Variants in CACNA1B observed in about 807,000 individuals in gnomAD.
CACNA1B encodes voltage-dependent N-type calcium channel subunit alpha-1B.
In CACNA1B, 70 loss-of-function variants were observed where a neutral mutation model predicts 247.2. The ratio of observed to expected loss-of-function variants is 0.28; its 90% CI spans 0.23 to 0.35. The LOEUF is 0.35. Among genes scored for constraint, CACNA1B ranks in the 10% least tolerant of loss-of-function variants. CACNA1B has a pLI of 1.00. For synonymous variants in CACNA1B, 1,231 were observed against 1,294.4 expected, an observed-to-expected ratio of 0.95 and a Z score of 1.05; for missense variants, 2,367 against 3,197.4, an observed-to-expected ratio of 0.74 and a Z score of 6.26.
chr9:138,111,230 C>T (rs1961618624), intron 39 of CACNA1B, among the ~76,000 whole-genome samples: 2 of 152,214 alleles, frequency 1.3e-5, no homozygotes, highest in African/African-American at 2.4e-5. Context: ...TTCAAAATTG[C>T]CCCAAACTGT....
intron 36 of CACNA1B, among the ~76,000 whole-genome samples, chr9:138,091,756 T>A (rs183358727): frequency 2.6e-5 from 4 of 152,220 alleles, no homozygotes; most frequent in Non-Finnish European, 4.4e-5. Context: ...GGATTGAATT[T>A]AAAAAAAGGA....
chr9:138,100,905 G>A lies in CACNA1B; in HGVS notation c.5223-1806G>A, dbSNP rs766516693. Among the ~76,000 whole-genome samples, 20 of 152,054 alleles carry A rather than the reference G, an allele frequency of 1.3e-4. No homozygotes were observed. The highest frequency in any genetic ancestry group is 2.1e-4 in the South Asian group (1 of 4,810). On this transcript the variant is annotated intron_variant, in intron 37 of 46. Transcript: ENST00000371372. This position sits in a 1 kb window ranked among gnomAD's most constrained non-coding sequence, Gnocchi z 4.6. ...GCGGCTCCTGCACACATCGGGCTCC[G>A]GAAATTTCGCTGGGGTTGCCACACC...
intron 31 of CACNA1B, 124 bp from the exon 32 acceptor site, chr9:138,069,634 G>A (rs571226385): frequency 3.2e-5 from 23 of 710,022 alleles, no homozygotes; most frequent in South Asian, 4.7e-5. Flanking sequence ...GCTGACTCAC[G>A]CCATCCAACC....
intron 31 of CACNA1B, among the ~76,000 whole-genome samples, chr9:138,066,492 CAG>C (rs1014990377): frequency 1.3e-5 from 2 of 151,798 alleles, no homozygotes; most frequent in Admixed American, 6.6e-5. Flanking sequence ...AGGAGAGAGA[CAG>C]AGGGGGAAGG....
intron 15 of CACNA1B, among the ~76,000 whole-genome samples, chr9:138,001,859 G>A (rs1379832832): frequency 6.6e-6 from 1 of 152,182 alleles, no homozygotes; most frequent in African/African-American, 2.4e-5. Flanking sequence ...CTAAAATTGT[G>A]CAAGACTTTT....
Position 137,880,767 on chromosome 9 carries a change from A to G in CACNA1B, c.390+1608A>G, listed in dbSNP as rs566818494. Among the ~76,000 whole-genome samples the G allele has an allele frequency of 1.6e-4, 24 of 152,162 alleles. 2 individuals are homozygous for G. In the East Asian group the frequency reaches 4.5e-3, roughly 28 times the overall value. Reference sequence around the variant, plus strand: ...GGCCCAGCCATTGATGTCCCCTGGGATGGAGGGGAGGCTGTGCTGCTGCCC... The same window carrying G: ...GGCCCAGCCATTGATGTCCCCTGGGGTGGAGGGGAGGCTGTGCTGCTGCCC... On this transcript the variant is annotated intron_variant, in intron 2 of 46. Transcript: ENST00000371372. The surrounding 1 kb of genome is among the most constrained non-coding windows in gnomAD (Gnocchi z 4.8).
chr9:137,884,807 C>T (rs1292252228), intron 3 of CACNA1B, among the ~76,000 whole-genome samples: 2 of 151,936 alleles, frequency 1.3e-5, no homozygotes, highest in Non-Finnish European at 2.9e-5. Flanking sequence ...TTGCACCAAG[C>T]CATGGGCAGG....
intron 15 of CACNA1B, among the ~76,000 whole-genome samples, chr9:138,002,254 A>G (rs778345379): frequency 1.7e-4 from 26 of 152,350 alleles, no homozygotes; most frequent in South Asian, 1.0e-3. Context: ...GTCATTGGAA[A>G]TCAATGGAGG....
chr9:137,990,777 A>T lies in CACNA1B; in HGVS notation c.1974+3923A>T, dbSNP rs1203360967. 6.6e-6 allele frequency among the ~76,000 whole-genome samples: 1 copy of T among 152,146 alleles called. No homozygotes were observed. The highest frequency in any genetic ancestry group is 2.4e-5 in the African/African-American group (1 of 41,422). On this transcript the variant is annotated intron_variant, in intron 15 of 46. Transcript: ENST00000371372. The surrounding 1 kb of genome is among the most constrained non-coding windows in gnomAD (Gnocchi z 4.5). ...ACCTGAAGATGGATCACATCACAGG[A>T]CTCTTGACAGACACTCCCCAGTACC... is the stretch of plus-strand genomic sequence containing the variant.
At chr9:138,075,740 C>T (rs530702570) in intron 34 of CACNA1B, 79 bp from the exon 35 acceptor site, 35 of 894,974 alleles carry the variant, frequency 3.9e-5, no homozygotes, top group Middle Eastern at 3.0e-4. Context: ...ACGGCTCGCA[C>T]GCCCTCTCTG....
rs1012565280 is a variant in CACNA1B, at chr9:138,059,245, C to G, written c.4584+56C>G. The G allele has an allele frequency of 5.0e-6, 5 of 1,006,150 alleles. No homozygotes were observed. Among genetic ancestry groups the G allele is most frequent in the African/African-American group, 3.2e-5 (2 of 63,164 alleles). The allele number at this position is 1,006,150 out of a possible 1,614,324, so 62.3% of individuals were successfully genotyped here. A position where few individuals can be genotyped will look rare whatever the true frequency, so the allele number is the denominator to read the frequency against. On this transcript the variant is annotated intron_variant, in intron 30 of 46. Transcript: ENST00000371372. This position sits in a 1 kb window ranked among gnomAD's most constrained non-coding sequence, Gnocchi z 4.2. ...GACAACCTATATTCTGGTTCCCCAT[C>G]TGTAGGGCGACCTTTGGGGGCTCAC...
In CACNA1B at chr9:137,986,368, A is replaced by G; in HGVS notation, c.1770-45A>G. The stretch of plus-strand genomic sequence containing the variant: ...TGGCTGCAGAGAGCCATGAATGTGA[A>G]GTCAGCGTCTGGAGCTGGCTCAGAC... On this transcript the variant is annotated intron_variant, in intron 13 of 46. Transcript: ENST00000371372. The surrounding 1 kb of genome is among the most constrained non-coding windows in gnomAD (Gnocchi z 6.0). The G allele has an allele frequency of 6.2e-7, 1 of 1,608,144 alleles. No individual in the cohort carries two copies. Among genetic ancestry groups the G allele is most frequent in the Non-Finnish European group, 8.5e-7 (1 of 1,177,196 alleles).
intron 15 of CACNA1B, among the ~76,000 whole-genome samples, chr9:137,997,886 T>C (rs1317442931): frequency 6.6e-6 from 1 of 152,228 alleles, no homozygotes; most frequent in Non-Finnish European, 1.5e-5. Flanking sequence ...ATCACCTGCA[T>C]GTTCACCATC....
chr9:138,120,707 G>GCAGGAGCGGGGCCGGTCC lies in CACNA1B; in HGVS notation c.6325_6342dup (p.Gly2109_Arg2114dup). On this transcript the variant is annotated inframe_insertion, in exon 46 of 47. Transcript: ENST00000371372. ...GCTGCCGGCGGGAACGAGAGCGCCGGCAGGAGCGGGGCCGGTCCCAGGAGC... is the reference window on the plus strand; with the variant it reads ...GCTGCCGGCGGGAACGAGAGCGCCGGCAGGAGCGGGGCCGGTCCCAGGAGCGGGGCCGGTCCCAGGAGC... 6.6e-7 allele frequency: 1 copy of GCAGGAGCGGGGCCGGTCC among 1,521,306 alleles called. No individual in the cohort carries two copies. The highest frequency in any genetic ancestry group is 8.8e-7 in the Non-Finnish European group (1 of 1,138,858). The allele number at this position is 1,521,306 out of a possible 1,614,324, so 94.2% of individuals were successfully genotyped here.
chr9:137,893,969 G>C (rs1330249847), intron 3 of CACNA1B, among the ~76,000 whole-genome samples: 5 of 152,152 alleles, frequency 3.3e-5, no homozygotes, highest in African/African-American at 1.2e-4. Context: ...ACTCATCTGT[G>C]CATTTGTATA....
chr9:137,954,901 A>AAT lies in CACNA1B; in HGVS notation c.1071-797_1071-796insAT, dbSNP rs1372521728. ...GTGTGAGAGAGAGAGAGAGAGAGAGAGGGGGAGAGAGAGAGAGAGAGAATG... is the reference window on the plus strand; with the variant it reads ...GTGTGAGAGAGAGAGAGAGAGAGAGAATGGGGGAGAGAGAGAGAGAGAGAATG... On this transcript the variant is annotated intron_variant, in intron 7 of 46. Coordinates refer to ENST00000371372, the MANE Select transcript of CACNA1B (RefSeq NM_000718.4). This position sits in a 1 kb window ranked among gnomAD's most constrained non-coding sequence, Gnocchi z 4.1. Among the ~76,000 whole-genome samples, 1 of 118,622 alleles carries AAT rather than the reference A, an allele frequency of 8.4e-6. No homozygotes were observed. Among genetic ancestry groups the AAT allele is most frequent in the African/African-American group, 3.9e-5 (1 of 25,810 alleles). 77.8% of individuals were successfully genotyped at this position (118,622 alleles called of 152,430 possible). A position where few individuals can be genotyped will look rare whatever the true frequency, so the allele number is the denominator to read the frequency against.
At position 138,007,996 on chromosome 9, in the gene CACNA1B, T is replaced by C. The variant is rs567729094; in HGVS notation, c.2092+1112T>C. ...GCTGGCCCAGCAGGGGCTCCCTCTC[T>C]CAGTCTTGTTAGTCACGGGGTGGTC... On this transcript the variant is annotated intron_variant, in intron 16 of 46. Transcript: ENST00000371372. This position sits in a 1 kb window ranked among gnomAD's most constrained non-coding sequence, Gnocchi z 4.1. Among the ~76,000 whole-genome samples, 2 of 152,232 alleles carry C rather than the reference T, an allele frequency of 1.3e-5. No homozygotes were observed. Among genetic ancestry groups the C allele is most frequent in the Admixed American group, 1.3e-4 (2 of 15,304 alleles).
chr9:137,908,473 G>A lies in CACNA1B; in HGVS notation c.531-4707G>A, dbSNP rs188969557. Reference sequence around the variant, plus strand: ...GGAGGTTACAGTGAGCCAAGATCACGCCATTGCATTCCAGCCTGGGCGACA... The same window carrying A: ...GGAGGTTACAGTGAGCCAAGATCACACCATTGCATTCCAGCCTGGGCGACA... On this transcript the variant is annotated intron_variant, in intron 3 of 46. Coordinates refer to ENST00000371372, the MANE Select transcript of CACNA1B (RefSeq NM_000718.4). 1.8e-4 allele frequency among the ~76,000 whole-genome samples: 27 copies of A among 151,904 alleles called. 1 individual carries two copies. The highest frequency in any genetic ancestry group is 6.5e-4 in the African/African-American group (27 of 41,476).
intron 10 of CACNA1B, among the ~76,000 whole-genome samples, chr9:137,958,919 T>G (rs1035308191): frequency 6.6e-6 from 1 of 152,224 alleles, no homozygotes; most frequent in Non-Finnish European, 1.5e-5. Context: ...GTTTGTTCCC[T>G]GTCTGGACTT....
Sources: gnomAD v4.1 joint callset for allele counts (sites outside exome capture counted in the v4.1 genomes callset) on GRCh38, gnomAD v4.1.1 for gene constraint, Gnocchi (gnomAD v3.1) non-coding constraint, MANE v1.5 for transcripts, NCBI Gene and HGNC (gene_info 2026-07-23, HGNC 2026-07-21) for gene names.